EFS: variants seen among roughly 807,000 people sequenced by gnomAD.
The protein encoded by EFS is Cas scaffolding protein family member 3.
In EFS, 34 loss-of-function variants were observed where a neutral mutation model predicts 42.2. The ratio of observed to expected loss-of-function variants is 0.81; its 90% CI spans 0.61 to 1.07. EFS has a LOEUF of 1.07. EFS is among the 50% of genes least tolerant of loss of function. EFS has a pLI of 0.00. For synonymous variants in EFS, 299 were observed against 320.7 expected, an observed-to-expected ratio of 0.93 and a Z score of 0.72; for missense variants, 717 against 729.4, an observed-to-expected ratio of 0.98 and a Z score of 0.20.
chr14:23,360,189 G>A lies in EFS; in HGVS notation c.390C>T (p.Ile130=). 6.2e-7 allele frequency: 1 copy of A among 1,614,176 alleles called. No individual in the cohort carries two copies. The highest frequency in any genetic ancestry group is 8.5e-7 in the Non-Finnish European group (1 of 1,180,028). The change falls in exon 3 of 6, where the codon ATC becomes ATT. Residue 130 remains isoleucine (I), a synonymous_variant. Coordinates refer to ENST00000216733, the MANE Select transcript of EFS (RefSeq NM_005864.4). ...CPPSPDLIYK[I]PRASGTQLAA... ...CCAGCTGGGTCCCACTAGCTCTGGG[G>A]ATTTTGTAGATGAGGTCAGGAGAGG...
intron 4 of EFS, 45 bp downstream of exon 4, chr14:23,359,272 G>A (rs1236007911): frequency 7.4e-6 from 12 of 1,610,884 alleles, no homozygotes; most frequent in African/African-American, 2.7e-5. Flanking sequence ...CCTCCCCTTG[G>A]TCCCTCTGGG....
In EFS at chr14:23,359,309, G is replaced by A; in HGVS notation, c.1161+8C>T. On this transcript the variant is annotated splice_region_variant and intron_variant, in intron 4 of 5. Coordinates refer to ENST00000216733, the MANE Select transcript of EFS (RefSeq NM_005864.4). ...TCCCTCCTGGTGGGGCTGCCAAGGG[G>A]CGCTCACCTTCAGGTGGACATAGTC... The A allele has an allele frequency of 6.2e-7, 1 of 1,612,574 alleles. No homozygotes were observed. Among genetic ancestry groups the A allele is most frequent in the South Asian group, 1.1e-5 (1 of 91,042 alleles).
In EFS at chr14:23,359,819, G is replaced by T. The variant is rs146359733; in HGVS notation, c.659C>A (p.Pro220His). ...GGCTGACGCTCGTTTCAGGTTGGAG[G>T]GGGCAGCATAGATGGGGGGCCCCGG... ...REPGPPIYAA[P>H]SNLKRASALL... Residue 220 changes from proline to histidine, a missense_variant, in exon 4 of 6, where the codon CCC becomes CAC. Transcript: ENST00000216733. The T allele has an allele frequency of 2.0e-6, 3 of 1,523,874 alleles. No homozygotes were observed. The highest frequency in any genetic ancestry group is 1.3e-5 in the South Asian group (1 of 75,914). The allele number at this position is 1,523,874 out of a possible 1,614,324, so 94.4% of individuals were successfully genotyped here.
chr14:23,360,810 A>C lies in EFS; in HGVS notation c.42T>G (p.Tyr14Ter). Residue 14 changes from tyrosine (Y) to a stop codon, truncating the protein, a stop_gained, in exon 2 of 6, where the codon TAT (tyrosine) becomes TAG (stop). Transcript: ENST00000216733. LOFTEE classifies it high-confidence loss of function. Reference sequence around the variant, plus strand: ...CCTGGGGGGACTCAGCGGTGTTGTCATACAGTGCCCGGGCCAGCTGGGTCT... The same window carrying C: ...CCTGGGGGGACTCAGCGGTGTTGTCCTACAGTGCCCGGGCCAGCTGGGTCT... Reference protein sequence around the residue: ...ATSTQLARALYDNTAESPQEL... With the variant: ...ATSTQLARAL The C allele has an allele frequency of 6.2e-7, 1 of 1,613,102 alleles. No homozygotes were observed. Among genetic ancestry groups the C allele is most frequent in the Non-Finnish European group, 8.5e-7 (1 of 1,179,528 alleles).
At position 23,356,882 on chromosome 14, in the gene EFS, CTT is replaced by C; in HGVS notation, c.*342_*343del. Reference sequence around the variant, plus strand: ...GTGGCCCCAGGTTTCTGCCACCTGACTTTTCACAGCCAGTCTTCCAGAGGTGG... The same window carrying C: ...GTGGCCCCAGGTTTCTGCCACCTGACTTCACAGCCAGTCTTCCAGAGGTGG... On this transcript the variant is annotated 3_prime_UTR_variant, in exon 6 of 6. Transcript: ENST00000216733. The C allele has an allele frequency of 5.2e-6, 1 of 191,386 alleles. No homozygotes were observed. The highest frequency in any genetic ancestry group is 1.1e-5 in the Non-Finnish European group (1 of 94,662). 11.9% of individuals were successfully genotyped at this position (191,386 alleles called of 1,614,324 possible). A position where few individuals can be genotyped will look rare whatever the true frequency, so the allele number is the denominator to read the frequency against.
At position 23,357,511 on chromosome 14, in the gene EFS, C is replaced by A. The variant is rs149633716; in HGVS notation, c.1401G>T (p.Pro467=). Residue 467 remains proline (P), a synonymous_variant, in exon 6 of 6, where the codon CCG becomes CCT. Transcript: ENST00000216733. ...LMSSTQANQP[P]RLFVPHSKRV... ...TCTTGCTGTGGGGCACGAAAAGGCG[C>A]GGGGGCTGATTAGCCTGGGTACTGG... 4.1e-5 allele frequency: 66 copies of A among 1,613,868 alleles called. No homozygotes were observed. Among genetic ancestry groups the A allele is most frequent in the Middle Eastern group, 1.7e-4 (1 of 6,030 alleles).
chr14:23,364,061 A>C (rs1312669964), intron 1 of EFS, among the ~76,000 whole-genome samples: 2 of 152,108 alleles, frequency 1.3e-5, no homozygotes, highest in African/African-American at 4.8e-5. Flanking sequence ...GTCCCCACTG[A>C]GAAGGGAACA....
intron 1 of EFS, among the ~76,000 whole-genome samples, 161 bp from the exon 2 acceptor site, chr14:23,360,994 C>A (rs1382632097): frequency 6.6e-6 from 1 of 152,242 alleles, no homozygotes; most frequent in African/African-American, 2.4e-5. Context: ...TCCAGCTTCA[C>A]CGCTTGCATT....
At chr14:23,363,743 G>A (rs936453494) in intron 1 of EFS, among the ~76,000 whole-genome samples, 1 of 152,076 alleles carries the variant, frequency 6.6e-6, no homozygotes, top group African/African-American at 2.4e-5. Flanking sequence ...TTTGAGACCA[G>A]CCTGGGCAAC....
chr14:23,356,762 A>G lies in EFS; in HGVS notation c.*464T>C, dbSNP rs1015526975. The G allele has an allele frequency of 6.6e-6, 1 of 152,610 alleles. No individual in the cohort carries two copies. Among genetic ancestry groups the G allele is most frequent in the Non-Finnish European group, 1.5e-5 (1 of 68,352 alleles). The allele number at this position is 152,610 out of a possible 1,614,324, so 9.5% of individuals were successfully genotyped here. A position where few individuals can be genotyped will look rare whatever the true frequency, so the allele number is the denominator to read the frequency against. ...CCCTCCGGTCTTTCCGAGAACCTTCAAACTCTGGACAGTTTATGTCTTGCC... is the reference window on the plus strand; with the variant it reads ...CCCTCCGGTCTTTCCGAGAACCTTCGAACTCTGGACAGTTTATGTCTTGCC... On this transcript the variant is annotated 3_prime_UTR_variant, in exon 6 of 6. Transcript: ENST00000216733.
In EFS at chr14:23,357,203, A is replaced by G; in HGVS notation, c.*23T>C. ...GGGGGGCTTTGGCAGGCAGGGGAGG[A>G]GCAGAGCTGTGCCAAAGGACCTTCA... On this transcript the variant is annotated 3_prime_UTR_variant, in exon 6 of 6. Transcript: ENST00000216733. 1 of 1,518,188 alleles carries G rather than the reference A, an allele frequency of 6.6e-7. No individual in the cohort carries two copies. The highest frequency in any genetic ancestry group is 1.3e-5 in the South Asian group (1 of 75,898). The allele number at this position is 1,518,188 out of a possible 1,614,324, so 94.0% of individuals were successfully genotyped here.
chr14:23,363,805 G>A lies in EFS; in HGVS notation c.18+1203C>T, dbSNP rs568489764. ...ATACAAAAAGCTGATGTGGTGGTGC[G>A]TGCTTGTAGTCCCAGCTACTCAAGA... is the stretch of plus-strand genomic sequence containing the variant. On this transcript the variant is annotated intron_variant, in intron 1 of 5. Transcript: ENST00000216733. 5.9e-5 allele frequency among the ~76,000 whole-genome samples: 9 copies of A among 152,154 alleles called. No homozygotes were observed. The South Asian group carries it at 1.2e-3, about 21-fold the overall frequency.
intron 1 of EFS, among the ~76,000 whole-genome samples, chr14:23,361,660 A>T (rs1480389786): frequency 3.3e-5 from 5 of 152,062 alleles, no homozygotes; most frequent in Non-Finnish European, 5.9e-5. Context: ...CCAAAAGGAA[A>T]CATGTATCAT....
chr14:23,358,903 C>T lies in EFS; in HGVS notation c.1224G>A (p.Leu408=). 2 of 1,612,920 alleles carry T rather than the reference C, an allele frequency of 1.2e-6. No individual in the cohort carries two copies. The highest frequency in any genetic ancestry group is 8.5e-7 in the Non-Finnish European group (1 of 1,179,476). Residue 408 remains leucine, a synonymous_variant, in exon 5 of 6, where the codon CTG becomes CTA. Coordinates refer to ENST00000216733, the MANE Select transcript of EFS (RefSeq NM_005864.4). ...PDQACTGDPE[L]PERGMPAPQE... ...GCGGCGCCGGCATCCCCCTCTCGGG[C>T]AGTTCAGGATCCCCTGTGCAGGCCT...
chr14:23,358,089 T>C (rs1177592692), intron 5 of EFS, among the ~76,000 whole-genome samples: 1 of 152,256 alleles, frequency 6.6e-6, no homozygotes, highest in Admixed American at 6.5e-5. Context: ...TGAAAATTAT[T>C]GAGATTTTTC....
chr14:23,359,368 A>C lies in EFS; in HGVS notation c.1110T>G (p.Asn370Lys). 6.4e-7 allele frequency: 1 copy of C among 1,562,252 alleles called. No homozygotes were observed. The highest frequency in any genetic ancestry group is 8.7e-7 in the Non-Finnish European group (1 of 1,149,184). Residue 370 changes from asparagine (N) to lysine (K), a missense_variant, in exon 4 of 6, where the codon AAT (asparagine) becomes AAG (lysine). Transcript: ENST00000216733. ...CGGCCATCGGAATGCCCTCGTACTC[A>C]TTGTGGTGTCCTGCTGGGTCATCCT... ...EMEDDPAGHH[N>K]EYEGIPMAEE...
chr14:23,364,744 C>A (rs568094266), intron 1 of EFS, among the ~76,000 whole-genome samples: 8 of 152,014 alleles, frequency 5.3e-5, no homozygotes, highest in Non-Finnish European at 7.4e-5. Context: ...CTTGCCCCTT[C>A]CCCTCCATTC....
chr14:23,360,389 G>A (rs1890105585), intron 2 of EFS, 108 bp from the exon 3 acceptor site: 2 of 1,504,700 alleles, frequency 1.3e-6, no homozygotes, highest in Non-Finnish European at 1.8e-6. Context: ...TGTATCGAGA[G>A]GGCCACAGCT....
At chr14:23,357,757 T>A in intron 5 of EFS, 97 bp from the exon 6 acceptor site, 1 of 1,061,718 alleles carries the variant, frequency 9.4e-7, no homozygotes, top group Non-Finnish European at 1.3e-6. Context: ...CCAAGGGCGA[T>A]CCTTTTAGCT....
Sources: allele counts gnomAD v4.1 joint callset (sites outside exome capture counted in the v4.1 genomes callset), GRCh38; gene constraint gnomAD v4.1.1; transcripts MANE v1.5; gene names NCBI Gene and HGNC (gene_info 2026-07-23, HGNC 2026-07-21).